The following SGCZ variants were observed in gnomAD, a reference collection of about 807,000 sequenced individuals.
SGCZ encodes sarcoglycan zeta.
A neutral mutation model predicts 41.3 loss-of-function variants in SGCZ; 40 were observed. That is an observed-to-expected ratio of 0.97 (90% CI 0.75 to 1.26). The LOEUF (loss-of-function observed/expected upper bound fraction) is 1.26. Among genes scored for constraint, SGCZ ranks in the 50% most tolerant of loss-of-function variants. SGCZ has a pLI of 0.00. For missense variants in SGCZ, 552 were observed against 369.8 expected (o/e 1.49, Z -4.04); for synonymous variants, 206 against 137.5 (o/e 1.50, Z -3.49).
chr8:14,150,887 C>T (rs1803685496), intron 5 of SGCZ, among the ~76,000 whole-genome samples: 1 of 152,118 alleles, frequency 6.6e-6, no homozygotes, highest in South Asian at 2.1e-4. Flanking sequence ...GTGGATGGAA[C>T]TGGAGATCAC....
At chr8:15,171,201 A>C (rs1211631747) in intron 1 of SGCZ, among the ~76,000 whole-genome samples, 2 of 152,172 alleles carry the variant, frequency 1.3e-5, no homozygotes, top group Non-Finnish European at 2.9e-5. Context: ...GTAGTCTTTG[A>C]GTTAGTTCAT....
intron 1 of SGCZ, among the ~76,000 whole-genome samples, chr8:14,679,463 G>C (rs181971216): frequency 2.0e-5 from 3 of 151,270 alleles, no homozygotes; most frequent in Admixed American, 6.6e-5. Context: ...ATGTGTGTTC[G>C]TGTATTAGTT....
At chr8:14,289,834 A>G (rs1242730186) in intron 3 of SGCZ, among the ~76,000 whole-genome samples, 1 of 151,804 alleles carries the variant, frequency 6.6e-6, no homozygotes, top group East Asian at 1.9e-4. Context: ...AAAAAAAATA[A>G]AAAGAAAAGA....
intron 1 of SGCZ, among the ~76,000 whole-genome samples, chr8:15,019,994 C>A (rs1253018425): frequency 6.6e-6 from 1 of 151,596 alleles, no homozygotes; most frequent in African/African-American, 2.4e-5. Context: ...ATTTTACTAG[C>A]AAGTCATTGT....
chr8:14,184,284 C>T (rs73524202), intron 4 of SGCZ, among the ~76,000 whole-genome samples: 2,027 of 152,122 alleles, frequency 0.013, 61 homozygotes, highest in African/African-American at 0.047. Flanking sequence ...TAAAATATTC[C>T]CACCCCCAAT....
chr8:14,434,887 C>T (rs1185422183), intron 2 of SGCZ, among the ~76,000 whole-genome samples: 2 of 152,058 alleles, frequency 1.3e-5, no homozygotes, highest in Admixed American at 6.5e-5. Context: ...GAGCTGTGAT[C>T]GTGCCACTGC....
intron 1 of SGCZ, among the ~76,000 whole-genome samples, chr8:14,778,070 T>C (rs1157577831): frequency 6.6e-6 from 1 of 152,076 alleles, no homozygotes; most frequent in East Asian, 1.9e-4. Flanking sequence ...AATATAGGCA[T>C]GCACCATCAT....
chr8:15,111,875 G>C (rs7821558), intron 1 of SGCZ, among the ~76,000 whole-genome samples: 22,194 of 150,608 alleles, frequency 0.15, 1,748 homozygotes, highest in East Asian at 0.27. Flanking sequence ...ACTCCAGCCT[G>C]GCAACAGAGC....
At chr8:14,503,659 T>A (rs750404133) in intron 2 of SGCZ, among the ~76,000 whole-genome samples, 3 of 151,864 alleles carry the variant, frequency 2.0e-5, no homozygotes, top group Non-Finnish European at 4.4e-5. Flanking sequence ...TCCCAGTTAC[T>A]AGGGAGGCTG....
chr8:14,246,874 C>T (rs1363105471), intron 3 of SGCZ, among the ~76,000 whole-genome samples: 2 of 134,222 alleles, frequency 1.5e-5, no homozygotes, highest in African/African-American at 5.6e-5. Flanking sequence ...CGCGCCACTG[C>T]ACTCCAGCCT....
At chr8:14,238,861 G>A (rs1225435352) in intron 3 of SGCZ, among the ~76,000 whole-genome samples, 1 of 151,782 alleles carries the variant, frequency 6.6e-6, no homozygotes, top group East Asian at 1.9e-4. Flanking sequence ...TACCATCTAG[G>A]CAGTATGTCA....
rs117620392 is a variant in SGCZ at position 15,195,206 on chromosome 8, C to G, written c.39+42379G>C. ...CTTGCAGTGTCCTACGAATCATTTTCCGGGTACCCTGCAGTTTTCTTGGCC... is the reference window on the plus strand; with the variant it reads ...CTTGCAGTGTCCTACGAATCATTTTGCGGGTACCCTGCAGTTTTCTTGGCC... On this transcript the variant is annotated intron_variant, in intron 1 of 7. Coordinates refer to ENST00000382080, the MANE Select transcript of SGCZ (RefSeq NM_139167.4). Among the ~76,000 whole-genome samples, 1,088 of 152,254 alleles carry G rather than the reference C, an allele frequency of 7.1e-3. 3 individuals are homozygous for G. Among genetic ancestry groups the G allele is most frequent in the Non-Finnish European group, 0.01 (690 of 68,010 alleles).
At chr8:15,028,225 GA>G (rs1771510648) in intron 1 of SGCZ, among the ~76,000 whole-genome samples, 1 of 152,144 alleles carries the variant, frequency 6.6e-6, no homozygotes, top group African/African-American at 2.4e-5. Context: ...TTGCATTAAG[GA>G]AAGTGCTCTC....
chr8:14,270,082 G>A (rs747813371), intron 3 of SGCZ, among the ~76,000 whole-genome samples: 8 of 151,852 alleles, frequency 5.3e-5, no homozygotes, highest in Non-Finnish European at 7.4e-5. Context: ...CTATAATCCC[G>A]GCACTTTGGG....
chr8:14,523,195 A>G (rs1802841709), intron 2 of SGCZ, among the ~76,000 whole-genome samples: 1 of 152,042 alleles, frequency 6.6e-6, no homozygotes, highest in African/African-American at 2.4e-5. Flanking sequence ...ATAAAATATA[A>G]TTTAGAAAAC....
At chr8:14,743,047 A>T (rs1035554696) in intron 1 of SGCZ, among the ~76,000 whole-genome samples, 2 of 152,084 alleles carry the variant, frequency 1.3e-5, no homozygotes, top group Non-Finnish European at 2.9e-5. Flanking sequence ...AATTAACTCA[A>T]ATATCATAAA....
intron 1 of SGCZ, among the ~76,000 whole-genome samples, chr8:15,064,409 C>CG (rs1207710353): frequency 6.6e-6 from 1 of 152,044 alleles, no homozygotes; most frequent in Non-Finnish European, 1.5e-5. Flanking sequence ...CAACTGAAAT[C>CG]GATCCAGTAG....
At chr8:14,434,828 C>G (rs1423034751) in intron 2 of SGCZ, among the ~76,000 whole-genome samples, 1 of 152,080 alleles carries the variant, frequency 6.6e-6, no homozygotes, top group African/African-American at 2.4e-5. Flanking sequence ...ACTATGGAGC[C>G]TGAGGTAGGA....
At chr8:14,697,953 A>C (rs117115511) in intron 1 of SGCZ, among the ~76,000 whole-genome samples, 4 of 151,974 alleles carry the variant, frequency 2.6e-5, no homozygotes, top group African/African-American at 9.7e-5. Flanking sequence ...TTTCAAACAT[A>C]TGTTTCAACC....
Sources: allele counts gnomAD v4.1 joint callset (sites outside exome capture counted in the v4.1 genomes callset), GRCh38; gene constraint gnomAD v4.1.1; transcripts MANE v1.5; gene names NCBI Gene and HGNC (gene_info 2026-07-23, HGNC 2026-07-21).